Variants in ZNF469 observed in about 807,000 individuals in gnomAD.
The protein encoded by ZNF469 is zinc finger protein 469.
ZNF469 carries 1 observed loss-of-function variant against 1.0 expected under a neutral mutation model. The observed-to-expected ratio is 1.00, with a 90% confidence interval of 0.35 to 4.73. The LOEUF (loss-of-function observed/expected upper bound fraction) is 4.73, where lower values mean the gene tolerates loss of function less well. Ranked by LOEUF, ZNF469 falls within the 30% of genes most tolerant of loss-of-function variation. ZNF469 has a pLI of 0.16. For missense variants in ZNF469, 6,100 were observed against 5,356.3 expected (o/e 1.14, Z -4.33); for synonymous variants, 2,703 against 2,363.4 (o/e 1.14, Z -4.17).
the ZNF469 span, among the ~76,000 whole-genome samples, chr16:88,327,952 C>A: frequency 6.6e-6 from 1 of 152,232 alleles, no homozygotes; most frequent in African/African-American, 2.4e-5. Flanking sequence ...GGCTCCATCA[C>A]GGCTGCACAC....
the ZNF469 span, among the ~76,000 whole-genome samples, chr16:88,340,503 G>C: frequency 2.0e-5 from 3 of 152,226 alleles, no homozygotes; most frequent in African/African-American, 7.2e-5. Context: ...TCACGGGTCA[G>C]GTGTCATGGG....
At chr16:88,218,089 C>A in the ZNF469 span, among the ~76,000 whole-genome samples, 1 of 146,606 alleles carries the variant, frequency 6.8e-6, no homozygotes, top group Non-Finnish European at 1.5e-5. Flanking sequence ...TTCTCCACAT[C>A]CTCCCCAGCA....
In ZNF469 at chr16:88,429,292, C is replaced by T. The variant is rs960631532; in HGVS notation, c.1822C>T (p.Leu608=). ...CACGGCCGGCAGCACCTGCTCTTCC[C>T]TGTCGCCGATGTCCAGCAGCCCAGC... is the stretch of plus-strand genomic sequence containing the variant. ...TNTAGSTCSS[L]SPMSSSPANP... The change falls in exon 3 of 3, where the codon CTG becomes TTG. Residue 608 remains leucine (L), a synonymous_variant. Transcript: ENST00000565624. The T allele has an allele frequency of 1.3e-6, 2 of 1,549,806 alleles. No individual in the cohort carries two copies. The highest frequency in any genetic ancestry group is 1.2e-5 in the South Asian group (1 of 84,064).
the ZNF469 span, among the ~76,000 whole-genome samples, chr16:88,270,947 C>G: frequency 1.3e-5 from 2 of 152,228 alleles, no homozygotes; most frequent in Non-Finnish European, 2.9e-5. Flanking sequence ...TCCCCCCTCT[C>G]GGGGCTGGCA....
At chr16:88,336,926 T>G in the ZNF469 span, among the ~76,000 whole-genome samples, 2 of 152,214 alleles carry the variant, frequency 1.3e-5, no homozygotes, top group Non-Finnish European at 2.9e-5. Context: ...GGGCATTTCC[T>G]GTGAGCAGAA....
chr16:88,259,662 C>T, the ZNF469 span, among the ~76,000 whole-genome samples: 2 of 152,176 alleles, frequency 1.3e-5, no homozygotes, highest in African/African-American at 4.8e-5. This position sits in a 1 kb window ranked among gnomAD's most constrained non-coding sequence, Gnocchi z 4.1. Flanking sequence ...CGCTCTTTCT[C>T]CTCCCAAGAT....
At chr16:88,388,636 G>T (rs951516286) in intron 1 of ZNF469, among the ~76,000 whole-genome samples, 13 of 152,396 alleles carry the variant, frequency 8.5e-5, no homozygotes, top group Middle Eastern at 3.4e-3. Context: ...GCCAGAGGGG[G>T]CGTGGGAGCC....
rs564654481 is a variant in ZNF469 at position 88,430,259 on chromosome 16, G to C, written c.2789G>C (p.Gly930Ala). 2 of 1,522,872 alleles carry C rather than the reference G, an allele frequency of 1.3e-6. No individual in the cohort carries two copies. Among genetic ancestry groups the C allele is most frequent in the South Asian group, 2.5e-5 (2 of 81,556 alleles). 94.3% of individuals were successfully genotyped at this position (1,522,872 alleles called of 1,614,324 possible). Reference sequence around the variant, plus strand: ...GGCAGGCCCAAAACGCGTTCCCTGGGTCTGGCCCCCACCGAGGCGGATGCG... The same window carrying C: ...GGCAGGCCCAAAACGCGTTCCCTGGCTCTGGCCCCCACCGAGGCGGATGCG... Reference protein sequence around the residue: ...ARGRPKTRSLGLAPTEADAPS... With the variant: ...ARGRPKTRSLALAPTEADAPS... Residue 930 changes from glycine (G) to alanine (A), a missense_variant, in exon 3 of 3, where the codon GGT (glycine) becomes GCT (alanine). Coordinates refer to ENST00000565624, the MANE Select transcript of ZNF469 (RefSeq NM_001367624.2).
chr16:88,120,564 C>G, the ZNF469 span, among the ~76,000 whole-genome samples: 1 of 152,362 alleles, frequency 6.6e-6, no homozygotes, highest in East Asian at 1.9e-4. Context: ...GCAGCGTGAG[C>G]TCCACGGCCG....
the ZNF469 span, among the ~76,000 whole-genome samples, chr16:88,215,687 G>C: frequency 6.6e-6 from 1 of 151,664 alleles, no homozygotes; most frequent in Non-Finnish European, 1.5e-5. Context: ...ACTACACCTG[G>C]CCAGCCTTTT....
the ZNF469 span, among the ~76,000 whole-genome samples, chr16:88,335,332 G>A: frequency 9.3e-4 from 141 of 152,328 alleles, 1 homozygote; most frequent in African/African-American, 3.3e-3. Flanking sequence ...ATGCAGGCAG[G>A]GCTGGATGCA....
intron 1 of ZNF469, among the ~76,000 whole-genome samples, chr16:88,416,358 C>A (rs1905300255): frequency 6.6e-6 from 1 of 152,206 alleles, no homozygotes; most frequent in African/African-American, 2.4e-5. Flanking sequence ...CTATTGCTGC[C>A]CGGGCGTCCT....
chr16:88,336,501 CATGCCAATACCGCGCAT>C, the ZNF469 span, among the ~76,000 whole-genome samples: 1 of 150,602 alleles, frequency 6.6e-6, no homozygotes, highest in Non-Finnish European at 1.5e-5. Context: ...ACATGAGACA[CATGCCAATACCGCGCAT>C]GTTCATCCTT....
chr16:88,413,672 G>T (rs16966509), intron 1 of ZNF469, among the ~76,000 whole-genome samples: 8,607 of 152,314 alleles, frequency 0.057, 823 homozygotes, highest in African/African-American at 0.2. Context: ...GCTGGGCGTT[G>T]AACTCGGTTT....
At chr16:88,322,997 C>T in the ZNF469 span, among the ~76,000 whole-genome samples, 2 of 152,224 alleles carry the variant, frequency 1.3e-5, no homozygotes, top group African/African-American at 4.8e-5. Flanking sequence ...TGTCAGTACT[C>T]ATGCCACCCA....
chr16:88,341,158 G>T, the ZNF469 span, among the ~76,000 whole-genome samples: 1 of 152,208 alleles, frequency 6.6e-6, no homozygotes, highest in African/African-American at 2.4e-5. Context: ...TACCTATTTT[G>T]TACAATCCTG....
At chr16:88,103,064 G>A in the ZNF469 span, among the ~76,000 whole-genome samples, 1 of 152,374 alleles carries the variant, frequency 6.6e-6, no homozygotes, top group South Asian at 2.1e-4. Context: ...CACCAAGAAT[G>A]GGGCCGTCAT....
chr16:88,142,473 G>A, the ZNF469 span, among the ~76,000 whole-genome samples: 3 of 152,324 alleles, frequency 2.0e-5, no homozygotes, highest in African/African-American at 4.8e-5. Flanking sequence ...ATGCCTAAGC[G>A]GGTCCTTATC....
the ZNF469 span, among the ~76,000 whole-genome samples, chr16:88,266,007 C>T: frequency 6.6e-6 from 1 of 152,254 alleles, no homozygotes; most frequent in African/African-American, 2.4e-5. Context: ...AGCTCCCCAC[C>T]CCCAACAAGC....
Sources: allele counts gnomAD v4.1 joint callset (sites outside exome capture counted in the v4.1 genomes callset), GRCh38; gene constraint gnomAD v4.1.1; non-coding constraint Gnocchi (gnomAD v3.1); transcripts MANE v1.5; gene names NCBI Gene and HGNC (gene_info 2026-07-23, HGNC 2026-07-21).